The following CLNK variants were observed in gnomAD, a reference collection of about 807,000 sequenced individuals.
The protein encoded by CLNK is cytokine-dependent hematopoietic cell linker.
Under a neutral mutation model 68.6 loss-of-function variants are expected in CLNK, and 74 were observed. The ratio of observed to expected loss-of-function variants is 1.08; its 90% CI spans 0.89 to 1.31. CLNK has a LOEUF of 1.31. Among genes scored for constraint, CLNK ranks in the 50% most tolerant of loss-of-function variants. CLNK has a pLI of 0.00. For missense variants in CLNK, 553 were observed against 515.3 expected (o/e 1.07, Z -0.71); for synonymous variants, 198 against 172.2 (o/e 1.15, Z -1.17).
chr4:10,608,469 C>A (rs1410199554), intron 2 of CLNK, among the ~76,000 whole-genome samples: 1 of 152,178 alleles, frequency 6.6e-6, no homozygotes. Context: ...TAACATGTTT[C>A]CTCTGTGAAC....
chr4:10,599,854 G>T (rs1272841646), intron 2 of CLNK, among the ~76,000 whole-genome samples: 1 of 152,048 alleles, frequency 6.6e-6, no homozygotes, highest in Non-Finnish European at 1.5e-5. Flanking sequence ...GTATCTCTAG[G>T]CTGACCTCCA....
intron 7 of CLNK, among the ~76,000 whole-genome samples, chr4:10,564,166 A>G (rs73228212): frequency 0.15 from 23,215 of 150,644 alleles, 1,864 homozygotes; most frequent in Middle Eastern, 0.19. Context: ...CAGTGGTGCA[A>G]AATTATCTTT....
At position 10,540,542 on chromosome 4, in the gene CLNK, G is replaced by A. The variant is rs1278276459; in HGVS notation, c.554C>T (p.Pro185Leu). The change falls in exon 11 of 19, where the codon CCA becomes CTA. Residue 185 changes from proline to leucine, a missense_variant. Physicochemically the swap from Pro to Leu is moderately conservative, Grantham distance 98. Coordinates refer to ENST00000226951, the MANE Select transcript of CLNK (RefSeq NM_052964.4). The part of the protein sequence containing the change: ...PLPPEPESSR[P>L]PLSQRHTFPE... ...AAAGGTGTGTCTCTGAGATAAAGGTGGCCTGCTGCTCTCCGGCTCAGGGGG... is the reference window on the plus strand; with the variant it reads ...AAAGGTGTGTCTCTGAGATAAAGGTAGCCTGCTGCTCTCCGGCTCAGGGGG... 6.2e-7 allele frequency: 1 copy of A among 1,613,864 alleles called. No homozygotes were observed. Among genetic ancestry groups the A allele is most frequent in the South Asian group, 1.1e-5 (1 of 91,076 alleles).
chr4:10,667,941 G>T (rs1202722452), intron 1 of CLNK, 30 bp from the exon 2 acceptor site: 18 of 1,273,322 alleles, frequency 1.4e-5, no homozygotes, highest in African/African-American at 5.9e-5. Context: ...CGCGTTACTG[G>T]AACTTCCACA....
chr4:10,546,531 G>T (rs1466549755), intron 8 of CLNK, among the ~76,000 whole-genome samples: 2 of 152,156 alleles, frequency 1.3e-5, no homozygotes, highest in Non-Finnish European at 2.9e-5. Context: ...ATTTCTATCA[G>T]CATTCTTGTC....
chr4:10,600,766 T>C (rs780326777), intron 2 of CLNK, among the ~76,000 whole-genome samples: 8 of 152,244 alleles, frequency 5.3e-5, no homozygotes, highest in African/African-American at 9.6e-5. Context: ...TGAATCTCTC[T>C]GATACCAGGG....
intron 5 of CLNK, among the ~76,000 whole-genome samples, chr4:10,571,217 A>G (rs1426495777): frequency 6.6e-6 from 1 of 151,808 alleles, no homozygotes; most frequent in African/African-American, 2.4e-5. Flanking sequence ...TCCATTTTAT[A>G]GCTGAGGAAT....
At chr4:10,510,535 C>T in intron 16 of CLNK, among the ~76,000 whole-genome samples, 1 of 152,220 alleles carries the variant, frequency 6.6e-6, no homozygotes. Context: ...TCTGCCAGGG[C>T]ACTGTTAACA....
chr4:10,508,875 A>G (rs918991979), intron 16 of CLNK, among the ~76,000 whole-genome samples: 13 of 152,046 alleles, frequency 8.6e-5, no homozygotes, highest in Non-Finnish European at 7.4e-5. Context: ...TTGGGAGGCC[A>G]AGGCGGGCGG....
intron 2 of CLNK, among the ~76,000 whole-genome samples, chr4:10,667,427 T>A (rs1342035769): frequency 1.3e-5 from 2 of 151,556 alleles, no homozygotes; most frequent in Non-Finnish European, 2.9e-5. Context: ...TTTTTTTTTT[T>A]AATCAGGCAC....
intron 2 of CLNK, among the ~76,000 whole-genome samples, chr4:10,599,467 C>A (rs1721504184): frequency 6.6e-6 from 1 of 152,076 alleles, no homozygotes; most frequent in Non-Finnish European, 1.5e-5. Context: ...CATTATTGTA[C>A]TATTTCACAT....
chr4:10,674,640 C>A (rs1724798205), intron 1 of CLNK, among the ~76,000 whole-genome samples: 1 of 152,132 alleles, frequency 6.6e-6, no homozygotes, highest in Admixed American at 6.6e-5. Flanking sequence ...GGGACCATGT[C>A]AAAGAGAGGT....
chr4:10,676,958 A>T (rs1156939091), intron 1 of CLNK, among the ~76,000 whole-genome samples: 1 of 145,860 alleles, frequency 6.9e-6, no homozygotes, highest in Non-Finnish European at 1.5e-5. Flanking sequence ...ATTATTTTTA[A>T]GTTTACCTCT....
chr4:10,718,176 A>C, the CLNK span, among the ~76,000 whole-genome samples: 1 of 152,166 alleles, frequency 6.6e-6, no homozygotes, highest in South Asian at 2.1e-4. Context: ...AACAATTAAA[A>C]CGTGTTGGAT....
chr4:10,696,149 C>T, the CLNK span, among the ~76,000 whole-genome samples: 1 of 152,184 alleles, frequency 6.6e-6, no homozygotes, highest in Non-Finnish European at 1.5e-5. Context: ...AGCCACTGCA[C>T]CCAGCCCAGA....
At chr4:10,615,312 T>C (rs958911323) in intron 2 of CLNK, among the ~76,000 whole-genome samples, 3 of 152,172 alleles carry the variant, frequency 2.0e-5, no homozygotes, top group Non-Finnish European at 4.4e-5. Flanking sequence ...AAACCCTGTC[T>C]CTACTAAAAA....
At chr4:10,616,180 A>T (rs1003534382) in intron 2 of CLNK, among the ~76,000 whole-genome samples, 4 of 152,226 alleles carry the variant, frequency 2.6e-5, no homozygotes, top group Non-Finnish European at 5.9e-5. Context: ...AATGGTGGAA[A>T]TATGCTGCTG....
chr4:10,702,670 T>C, the CLNK span, among the ~76,000 whole-genome samples: 1 of 152,210 alleles, frequency 6.6e-6, no homozygotes, highest in Non-Finnish European at 1.5e-5. Context: ...GATGCCATTT[T>C]CTTGCACTAC....
chr4:10,641,422 G>A (rs531961497), intron 2 of CLNK, among the ~76,000 whole-genome samples: 1 of 152,266 alleles, frequency 6.6e-6, no homozygotes, highest in South Asian at 2.1e-4. Flanking sequence ...AGCTTATGTG[G>A]AGTGAAGGGT....
Sources: gnomAD v4.1 joint callset for allele counts (sites outside exome capture counted in the v4.1 genomes callset) on GRCh38, gnomAD v4.1.1 for gene constraint, MANE v1.5 for transcripts, NCBI Gene and HGNC (gene_info 2026-07-23, HGNC 2026-07-21) for gene names.